The following TRABD2B variants were observed in gnomAD, a reference collection of about 807,000 sequenced individuals.
TRABD2B encodes the protein TraB domain containing 2B.
TRABD2B carries 14 observed loss-of-function variants against 40.1 expected under a neutral mutation model. The observed-to-expected ratio is 0.35, with a 90% CI of 0.23 to 0.55. The LOEUF is 0.55. Ranked by LOEUF, TRABD2B falls within the 20% of genes least tolerant of loss-of-function variation. TRABD2B has a pLI of 0.90. For missense variants in TRABD2B, 541 were observed against 648.6 expected (o/e 0.83, Z 1.80); for synonymous variants, 263 against 277.0 (o/e 0.95, Z 0.50).
intron 2 of TRABD2B, among the ~76,000 whole-genome samples, chr1:47,970,476 T>C (rs12080929): frequency 0.24 from 36,958 of 152,018 alleles, 4,641 homozygotes; most frequent in East Asian, 0.27. Context: ...CTGAAATCTA[T>C]GTTCCCATTT....
At chr1:47,811,238 C>G (rs938289875) in intron 2 of TRABD2B, among the ~76,000 whole-genome samples, 10 of 152,088 alleles carry the variant, frequency 6.6e-5, no homozygotes, top group Non-Finnish European at 1.3e-4. Context: ...ATGAAGGCAG[C>G]TCTGCCCTCC....
intron 2 of TRABD2B, among the ~76,000 whole-genome samples, chr1:47,920,163 C>T (rs1194531189): frequency 6.6e-6 from 1 of 152,028 alleles, no homozygotes; most frequent in African/African-American, 2.4e-5. Context: ...TGGATGATGC[C>T]CAGTGCCTGG....
At chr1:47,859,305 C>A (rs779485686) in intron 2 of TRABD2B, among the ~76,000 whole-genome samples, 19 of 152,192 alleles carry the variant, frequency 1.2e-4, no homozygotes, top group Non-Finnish European at 2.6e-4. Flanking sequence ...AGCCAGCCAG[C>A]CTCACACTGG....
intron 2 of TRABD2B, among the ~76,000 whole-genome samples, chr1:47,802,250 C>A (rs946097644): frequency 1.3e-5 from 2 of 152,218 alleles, no homozygotes; most frequent in African/African-American, 4.8e-5. Flanking sequence ...GGATCACTGA[C>A]AAAATGTCAG....
chr1:47,982,816 T>G lies in TRABD2B; in HGVS notation c.666+11218A>C, dbSNP rs113273673. Among the ~76,000 whole-genome samples the G allele has an allele frequency of 2.6e-5, 4 of 152,206 alleles. 1 individual carries two copies. The highest frequency in any genetic ancestry group is 9.6e-5 in the African/African-American group (4 of 41,536). ...AAGTCTGCTTCCTTTCCACCTCATC[T>G]CCAGGGGCCCAAATCCTATCCCACC... On this transcript the variant is annotated intron_variant, in intron 2 of 6. Transcript: ENST00000606738.
In TRABD2B at chr1:47,813,576, T is replaced by C. The variant is rs997658879; in HGVS notation, c.667-11957A>G. On this transcript the variant is annotated intron_variant, in intron 2 of 6. Coordinates refer to ENST00000606738, the MANE Select transcript of TRABD2B (RefSeq NM_001194986.2). The surrounding 1 kb of genome is among the most constrained non-coding windows in gnomAD (Gnocchi z 4.3). The stretch of plus-strand genomic sequence containing the variant: ...CTCTTTGGGGCAGACTCTTCTCTTC[T>C]CTTTGCTGCGTCTCAGCTTACCCAT... 6.6e-6 allele frequency among the ~76,000 whole-genome samples: 1 copy of C among 152,180 alleles called. No individual in the cohort carries two copies. Among genetic ancestry groups the C allele is most frequent in the African/African-American group, 2.4e-5 (1 of 41,434 alleles).
At chr1:47,944,688 T>C (rs1490296506) in intron 2 of TRABD2B, among the ~76,000 whole-genome samples, 2 of 152,200 alleles carry the variant, frequency 1.3e-5, no homozygotes, top group Non-Finnish European at 2.9e-5. Context: ...ATGGTCAGGC[T>C]TGACTGTTAG....
intron 2 of TRABD2B, among the ~76,000 whole-genome samples, chr1:47,969,112 G>A (rs1357291345): frequency 1.3e-5 from 2 of 152,192 alleles, no homozygotes; most frequent in Admixed American, 1.3e-4. Context: ...CTACCATTAG[G>A]TCCTCGTTAA....
chr1:47,985,989 G>A (rs553440692), intron 2 of TRABD2B, among the ~76,000 whole-genome samples: 1 of 152,282 alleles, frequency 6.6e-6, no homozygotes, highest in South Asian at 2.1e-4. Context: ...TGAGAGGGAG[G>A]GAGGGAGATA....
At chr1:47,970,024 G>A (rs904462482) in intron 2 of TRABD2B, among the ~76,000 whole-genome samples, 3 of 151,904 alleles carry the variant, frequency 2.0e-5, no homozygotes, top group Admixed American at 6.6e-5. Context: ...CTCTCTTCAG[G>A]CTCTATCCAG....
chr1:47,882,590 T>C (rs942667707), intron 2 of TRABD2B, among the ~76,000 whole-genome samples: 10 of 152,102 alleles, frequency 6.6e-5, no homozygotes, highest in African/African-American at 1.7e-4. Flanking sequence ...GTGTATGCAA[T>C]AGTCACCTTG....
At chr1:47,821,413 G>A (rs1645107208) in intron 2 of TRABD2B, among the ~76,000 whole-genome samples, 1 of 152,238 alleles carries the variant, frequency 6.6e-6, no homozygotes, top group Non-Finnish European at 1.5e-5. Context: ...AGGAATGGTA[G>A]GGGCCCACAG....
At chr1:47,770,983 G>C (rs1357166051) in intron 6 of TRABD2B, among the ~76,000 whole-genome samples, 1 of 152,186 alleles carries the variant, frequency 6.6e-6, no homozygotes, top group African/African-American at 2.4e-5. Context: ...TAAAAGGGGG[G>C]ACTGGATTTG....
chr1:47,778,018 G>T (rs967372629), intron 5 of TRABD2B, among the ~76,000 whole-genome samples: 4 of 152,192 alleles, frequency 2.6e-5, no homozygotes, highest in Admixed American at 6.5e-5. Flanking sequence ...AACGGAGAAG[G>T]TGAGGACCAG....
At chr1:47,884,064 T>G (rs1231145332) in intron 2 of TRABD2B, among the ~76,000 whole-genome samples, 1 of 152,230 alleles carries the variant, frequency 6.6e-6, no homozygotes, top group Non-Finnish European at 1.5e-5. Flanking sequence ...GATCAGCATT[T>G]GTGACAGTTA....
chr1:47,794,647 C>A lies in TRABD2B; in HGVS notation c.927G>T (p.Lys309Asn). Reference protein sequence around the residue: ...LIYKRNERMGKRVMALLRENE... With the variant: ...LIYKRNERMGNRVMALLRENE... Reference sequence around the variant, plus strand: ...TCTCCCGTAGAAGCGCCATGACCCTCTTCCCCATGCGCTCATTCCTCTTGT... The same window carrying A: ...TCTCCCGTAGAAGCGCCATGACCCTATTCCCCATGCGCTCATTCCTCTTGT... The change falls in exon 4 of 7, where the codon AAG becomes AAT. Residue 309 changes from lysine to asparagine, a missense_variant. This residue lies in a region of TRABD2B where 369 missense variants were observed against 492.8 expected (regional missense o/e 0.75). Coordinates refer to ENST00000606738, the MANE Select transcript of TRABD2B (RefSeq NM_001194986.2). 6.5e-7 allele frequency: 1 copy of A among 1,536,762 alleles called. No homozygotes were observed. Among genetic ancestry groups the A allele is most frequent in the Non-Finnish European group, 8.7e-7 (1 of 1,146,912 alleles).
intron 2 of TRABD2B, among the ~76,000 whole-genome samples, chr1:47,992,700 G>T (rs1215281833): frequency 6.6e-6 from 1 of 152,216 alleles, no homozygotes; most frequent in African/African-American, 2.4e-5. Flanking sequence ...GGAGAAAGCG[G>T]CTATGTTCAG....
chr1:47,782,517 G>A (rs577683214), intron 4 of TRABD2B, among the ~76,000 whole-genome samples: 3 of 152,352 alleles, frequency 2.0e-5, no homozygotes, highest in East Asian at 3.9e-4. Flanking sequence ...AGTCTGGCAT[G>A]TGGCAGTGGC....
At chr1:47,946,412 C>T (rs1048270813) in intron 2 of TRABD2B, among the ~76,000 whole-genome samples, 3 of 152,066 alleles carry the variant, frequency 2.0e-5, no homozygotes, top group Non-Finnish European at 4.4e-5. Flanking sequence ...AAGTTCTCTT[C>T]TAGTCCTAGT....
Sources: gnomAD v4.1 joint callset for allele counts (sites outside exome capture counted in the v4.1 genomes callset) on GRCh38, gnomAD v4.1.1 for gene constraint, gnomAD v4.1.1 regional missense constraint, Gnocchi (gnomAD v3.1) non-coding constraint, MANE v1.5 for transcripts, NCBI Gene and HGNC (gene_info 2026-07-23, HGNC 2026-07-21) for gene names.